SLC24A2: variants seen among roughly 807,000 people sequenced by gnomAD.
SLC24A2 encodes solute carrier family 24 member 2.
A neutral mutation model predicts 62.0 loss-of-function variants in SLC24A2; 36 were observed. That is an observed-to-expected ratio of 0.58 (90% CI 0.44 to 0.77). The LOEUF (loss-of-function observed/expected upper bound fraction) is 0.77, where lower values mean the gene tolerates loss of function less well. Ranked by LOEUF, SLC24A2 falls within the 30% of genes least tolerant of loss-of-function variation. SLC24A2 has a pLI of 0.00. For missense variants in SLC24A2, 846 were observed against 817.9 expected (o/e 1.03, Z -0.42); for synonymous variants, 358 against 294.0 (o/e 1.22, Z -2.23).
At chr9:20,040,382 A>G in the SLC24A2 span, among the ~76,000 whole-genome samples, 1 of 152,218 alleles carries the variant, frequency 6.6e-6, no homozygotes, top group Non-Finnish European at 1.5e-5. Context: ...GTTCAGAATG[A>G]TTCCAGCTTT....
chr9:19,947,222 G>C, the SLC24A2 span, among the ~76,000 whole-genome samples: 1 of 152,284 alleles, frequency 6.6e-6, no homozygotes, highest in South Asian at 2.1e-4. Context: ...TGGCTGTGCT[G>C]TCTGCCAAGG....
At chr9:20,293,110 A>G in the SLC24A2 span, among the ~76,000 whole-genome samples, 1 of 152,158 alleles carries the variant, frequency 6.6e-6, no homozygotes, top group African/African-American at 2.4e-5. Flanking sequence ...CTCTTCTTAT[A>G]AGGACATTAG....
At chr9:20,207,260 C>T in the SLC24A2 span, among the ~76,000 whole-genome samples, 1 of 152,172 alleles carries the variant, frequency 6.6e-6, no homozygotes, top group Non-Finnish European at 1.5e-5. Flanking sequence ...TAGAGAAAAA[C>T]ATAAAGGAAA....
chr9:20,255,128 A>C, the SLC24A2 span, among the ~76,000 whole-genome samples: 1 of 152,204 alleles, frequency 6.6e-6, no homozygotes, highest in African/African-American at 2.4e-5. Flanking sequence ...CTCTGGAATG[A>C]AATGTGACCA....
At chr9:20,225,280 A>G in the SLC24A2 span, among the ~76,000 whole-genome samples, 1 of 151,946 alleles carries the variant, frequency 6.6e-6, no homozygotes, top group Non-Finnish European at 1.5e-5. Flanking sequence ...GGAAACATGT[A>G]TAACAATGCA....
chr9:19,854,676 T>A, the SLC24A2 span, among the ~76,000 whole-genome samples: 1 of 152,124 alleles, frequency 6.6e-6, no homozygotes, highest in Admixed American at 6.6e-5. Flanking sequence ...TGATTTTAGT[T>A]CTTTTGCATT....
the SLC24A2 span, among the ~76,000 whole-genome samples, chr9:20,011,069 T>C: frequency 6.6e-6 from 1 of 152,162 alleles, no homozygotes; most frequent in East Asian, 1.9e-4. Flanking sequence ...ACAATAAACA[T>C]ACATGTGCAT....
chr9:19,683,133 C>A (rs1018218422), intron 2 of SLC24A2, among the ~76,000 whole-genome samples: 4 of 152,004 alleles, frequency 2.6e-5, no homozygotes, highest in African/African-American at 9.7e-5. Flanking sequence ...ACTATGAAAT[C>A]CTTTGAAAGG....
chr9:20,070,883 C>A, the SLC24A2 span, among the ~76,000 whole-genome samples: 1 of 152,120 alleles, frequency 6.6e-6, no homozygotes, highest in African/African-American at 2.4e-5. Context: ...TATGTTCCTG[C>A]CCAAATCTCA....
Position 19,737,731 on chromosome 9 carries a change from G to A in SLC24A2, c.930+48206C>T, listed in dbSNP as rs1303817516. ...TATACGTTAAAATTAAAGGCAAGAT[G>A]CAAATAAATTACTGAGTTTCAAAAT... On this transcript the variant is annotated intron_variant, in intron 2 of 10. Coordinates refer to ENST00000341998, the MANE Select transcript of SLC24A2 (RefSeq NM_020344.4). Among the ~76,000 whole-genome samples, 3 of 151,892 alleles carry A rather than the reference G, an allele frequency of 2.0e-5. No homozygotes were observed. In the East Asian group the frequency reaches 5.8e-4, roughly 29 times the overall value.
At chr9:19,890,043 A>G in the SLC24A2 span, among the ~76,000 whole-genome samples, 1 of 148,316 alleles carries the variant, frequency 6.7e-6, no homozygotes, top group Non-Finnish European at 1.5e-5. Context: ...CTTAGTTTAG[A>G]GTTTATGGAC....
chr9:20,119,843 TA>T, the SLC24A2 span, among the ~76,000 whole-genome samples: 7 of 152,190 alleles, frequency 4.6e-5, no homozygotes, highest in Non-Finnish European at 7.4e-5. Flanking sequence ...CAAAATTGTT[TA>T]CATAGAAAAT....
At chr9:19,955,995 A>G in the SLC24A2 span, among the ~76,000 whole-genome samples, 9 of 152,256 alleles carry the variant, frequency 5.9e-5, no homozygotes, top group South Asian at 2.1e-4. Context: ...TGTGTAATGC[A>G]TAAAACAGAA....
the SLC24A2 span, among the ~76,000 whole-genome samples, chr9:19,794,671 A>T: frequency 3.3e-5 from 5 of 151,548 alleles, no homozygotes; most frequent in Non-Finnish European, 7.4e-5. Context: ...AGAGACTTGG[A>T]GTCTCAACCC....
the SLC24A2 span, among the ~76,000 whole-genome samples, chr9:20,086,732 G>C: frequency 1.3e-5 from 2 of 152,104 alleles, no homozygotes; most frequent in Non-Finnish European, 2.9e-5. Flanking sequence ...GTACCACTTA[G>C]TTCCCAAAGC....
At chr9:19,717,167 A>G (rs542529281) in intron 2 of SLC24A2, among the ~76,000 whole-genome samples, 161 of 152,364 alleles carry the variant, frequency 1.1e-3, no homozygotes, top group Middle Eastern at 3.4e-3. Context: ...AGAAGGTAAC[A>G]GTTAATGACT....
In SLC24A2 at chr9:19,599,503, G is replaced by A. The variant is rs535597586; in HGVS notation, c.1079-2224C>T. On this transcript the variant is annotated intron_variant, in intron 4 of 10. Coordinates refer to ENST00000341998, the MANE Select transcript of SLC24A2 (RefSeq NM_020344.4). This position sits in a 1 kb window ranked among gnomAD's most constrained non-coding sequence, Gnocchi z 4.5. ...CCAAACAAAGAGAACCATGTTTACA[G>A]TTTACTGAAGAAAAGTCAGAAAAGA... 6.6e-6 allele frequency among the ~76,000 whole-genome samples: 1 copy of A among 152,320 alleles called. No homozygotes were observed. The highest frequency in any genetic ancestry group is 2.1e-4 in the South Asian group (1 of 4,826).
chr9:20,266,982 T>G, the SLC24A2 span, among the ~76,000 whole-genome samples: 107 of 150,486 alleles, frequency 7.1e-4, no homozygotes, highest in Non-Finnish European at 1.2e-3. Context: ...CTTGGGTAGC[T>G]GAGGCAGGAA....
At chr9:19,851,000 T>TATAC in the SLC24A2 span, among the ~76,000 whole-genome samples, 10 of 45,138 alleles carry the variant, frequency 2.2e-4, no homozygotes, top group East Asian at 1.1e-3. Flanking sequence ...TATATATATA[T>TATAC]ACACATACAT....
Sources: allele counts gnomAD v4.1 joint callset (sites outside exome capture counted in the v4.1 genomes callset), GRCh38; gene constraint gnomAD v4.1.1; non-coding constraint Gnocchi (gnomAD v3.1); transcripts MANE v1.5; gene names NCBI Gene and HGNC (gene_info 2026-07-23, HGNC 2026-07-21).